SPAG16: variants seen among roughly 807,000 people sequenced by gnomAD.
The protein encoded by SPAG16 is sperm associated antigen 16.
A neutral mutation model predicts 80.4 loss-of-function variants in SPAG16; 86 were observed. That is an observed-to-expected ratio of 1.07 (90% CI 0.90 to 1.28). The LOEUF is 1.28. Ranked by LOEUF, SPAG16 falls within the 50% of genes most tolerant of loss-of-function variation. SPAG16 has a pLI of 0.00. For missense variants in SPAG16, 870 were observed against 765.3 expected (o/e 1.14, Z -1.61); for synonymous variants, 294 against 265.9 (o/e 1.11, Z -1.03).
At chr2:213,521,994 A>G (rs1380642732) in intron 10 of SPAG16, among the ~76,000 whole-genome samples, 1 of 152,226 alleles carries the variant, frequency 6.6e-6, no homozygotes, top group Non-Finnish European at 1.5e-5. Context: ...CAGCCTTATA[A>G]GCAATAGTGT....
At chr2:213,610,780 A>T (rs933722440) in intron 10 of SPAG16, among the ~76,000 whole-genome samples, 1 of 152,252 alleles carries the variant, frequency 6.6e-6, no homozygotes, top group African/African-American at 2.4e-5. Flanking sequence ...GATTAAAAAA[A>T]GGTCATGAGG....
In SPAG16 at chr2:213,422,098, C is replaced by A. The variant is rs1204133302; in HGVS notation, c.942+46979C>A. On this transcript the variant is annotated intron_variant, in intron 9 of 15. Coordinates refer to ENST00000331683, the MANE Select transcript of SPAG16 (RefSeq NM_024532.5). ...GTAGGGGACTAAAAGAGCTGTAACC[C>A]AAACAGGGCTGAAATGACCCCCTGC... 7.5e-6 allele frequency: 5 copies of A among 662,982 alleles called. No individual in the cohort carries two copies. In the South Asian group the frequency reaches 7.9e-5, roughly 10 times the overall value. The allele number at this position is 662,982 out of a possible 1,614,324, so 41.1% of individuals were successfully genotyped here. A position where few individuals can be genotyped will look rare whatever the true frequency, so the allele number is the denominator to read the frequency against.
intron 15 of SPAG16, among the ~76,000 whole-genome samples, chr2:214,197,559 C>A (rs2057879163): frequency 6.6e-6 from 1 of 151,902 alleles, no homozygotes; most frequent in East Asian, 1.9e-4. Context: ...ATTCTCAAAT[C>A]TCCTACACAT....
chr2:213,405,361 T>C (rs1473240851), intron 9 of SPAG16, among the ~76,000 whole-genome samples: 1 of 152,220 alleles, frequency 6.6e-6, no homozygotes, highest in Non-Finnish European at 1.5e-5. Flanking sequence ...ACATAATAGT[T>C]ACACATATAT....
chr2:214,014,167 G>C, intron 13 of SPAG16, 90 bp downstream of exon 13: 4 of 1,505,380 alleles, frequency 2.7e-6, no homozygotes, highest in Non-Finnish European at 3.6e-6. Context: ...CTTAAAAAGT[G>C]ATTGTGCAAG....
At chr2:213,759,624 G>A (rs1452497509) in intron 10 of SPAG16, among the ~76,000 whole-genome samples, 4 of 151,370 alleles carry the variant, frequency 2.6e-5, no homozygotes, top group Admixed American at 1.3e-4. Context: ...CAAGAAAATA[G>A]CTATATACAA....
At chr2:214,186,465 A>G (rs1038983979) in intron 15 of SPAG16, among the ~76,000 whole-genome samples, 2 of 152,134 alleles carry the variant, frequency 1.3e-5, no homozygotes, top group African/African-American at 4.8e-5. Context: ...TGATGAAATT[A>G]TTTAGTAAAA....
chr2:214,327,792 A>T (rs934758476), intron 15 of SPAG16, among the ~76,000 whole-genome samples: 2 of 152,122 alleles, frequency 1.3e-5, no homozygotes, highest in African/African-American at 4.8e-5. Context: ...AAACTTTGGT[A>T]TAGATTCTTT....
Position 214,035,436 on chromosome 2 carries a change from G to C in SPAG16, c.1527+21359G>C, listed in dbSNP as rs1351435153. Among the ~76,000 whole-genome samples the C allele has an allele frequency of 5.9e-5, 9 of 152,314 alleles. No individual in the cohort carries two copies. In the East Asian group the frequency reaches 1.7e-3, roughly 29 times the overall value. On this transcript the variant is annotated intron_variant, in intron 13 of 15. Coordinates refer to ENST00000331683, the MANE Select transcript of SPAG16 (RefSeq NM_024532.5). ...AGGGAAACCTGTAGGCCAATGCCAA[G>C]CTGCCCTCAGCAGCCCCTCAACCCC...
chr2:214,116,827 C>T (rs749097723), intron 14 of SPAG16, among the ~76,000 whole-genome samples: 3 of 152,176 alleles, frequency 2.0e-5, no homozygotes, highest in East Asian at 3.9e-4. Flanking sequence ...TCAGTGATCA[C>T]AGGCTCAGGG....
intron 10 of SPAG16, among the ~76,000 whole-genome samples, chr2:213,645,846 A>T (rs2062802280): frequency 6.6e-6 from 1 of 152,120 alleles, no homozygotes; most frequent in African/African-American, 2.4e-5. Context: ...AGTCCTTATG[A>T]CCCAGACTGC....
intron 11 of SPAG16, among the ~76,000 whole-genome samples, chr2:213,869,462 G>C (rs939117087): frequency 6.6e-6 from 1 of 151,316 alleles, no homozygotes. Context: ...AGAAGTAGCT[G>C]TTTTCATAAT....
Position 213,672,706 on chromosome 2 carries a change from A to G in SPAG16, c.1070+182616A>G, listed in dbSNP as rs1161958858. ...CTGCTTTTATAATATTTATATGGGT[A>G]TCACATTATTGCCTCATCTTAATGC... On this transcript the variant is annotated intron_variant, in intron 10 of 15. Coordinates refer to ENST00000331683, the MANE Select transcript of SPAG16 (RefSeq NM_024532.5). Among the ~76,000 whole-genome samples the G allele has an allele frequency of 2.6e-5, 4 of 152,126 alleles. No individual in the cohort carries two copies. The East Asian group carries it at 5.8e-4, about 22-fold the overall frequency.
intron 7 of SPAG16, among the ~76,000 whole-genome samples, chr2:213,363,142 T>C (rs1010360084): frequency 6.6e-6 from 1 of 152,120 alleles, no homozygotes; most frequent in Non-Finnish European, 1.5e-5. Context: ...ATTGGTTCAT[T>C]ATTTGTGAAA....
chr2:213,636,208 T>C (rs1289870028), intron 10 of SPAG16, among the ~76,000 whole-genome samples: 3 of 152,210 alleles, frequency 2.0e-5, no homozygotes, highest in Non-Finnish European at 4.4e-5. Context: ...GAATAGGGTG[T>C]ATTTTCCCCG....
chr2:213,472,834 C>A (rs2073159018), intron 9 of SPAG16, among the ~76,000 whole-genome samples: 1 of 152,304 alleles, frequency 6.6e-6, no homozygotes, highest in Middle Eastern at 3.4e-3. Flanking sequence ...GAGGCAGTGA[C>A]CATTAGTCCC....
intron 9 of SPAG16, among the ~76,000 whole-genome samples, chr2:213,378,795 C>G (rs540440722): frequency 3.3e-4 from 50 of 152,164 alleles, no homozygotes; most frequent in Non-Finnish European, 5.7e-4. Flanking sequence ...AACCTTCATT[C>G]CTGAAGGGTC....
intron 10 of SPAG16, among the ~76,000 whole-genome samples, chr2:213,802,034 C>T (rs1363691246): frequency 6.6e-6 from 1 of 152,174 alleles, no homozygotes; most frequent in Non-Finnish European, 1.5e-5. Context: ...GTCACCATCA[C>T]ACAAATAATG....
chr2:213,878,120 C>G (rs1234851401), intron 11 of SPAG16, among the ~76,000 whole-genome samples: 1 of 152,102 alleles, frequency 6.6e-6, no homozygotes, highest in Non-Finnish European at 1.5e-5. Context: ...TGTTCTTACT[C>G]ATTTTGAATT....
Sources: gnomAD v4.1 joint callset for allele counts (sites outside exome capture counted in the v4.1 genomes callset) on GRCh38, gnomAD v4.1.1 for gene constraint, MANE v1.5 for transcripts, NCBI Gene and HGNC (gene_info 2026-07-23, HGNC 2026-07-21) for gene names.